Variants in SYNC observed in about 807,000 individuals in gnomAD.
The protein encoded by SYNC is syncoilin, intermediate filament protein, also known as syncoilin.
SYNC carries 38 observed loss-of-function variants against 49.5 expected under a neutral mutation model. That is an observed-to-expected ratio of 0.77 (90% CI 0.59 to 1.01). SYNC has a LOEUF of 1.01. SYNC is among the 50% of genes least tolerant of loss of function. SYNC has a pLI of 0.00. For missense variants in SYNC, 579 were observed against 580.6 expected (o/e 1.00, Z 0.03); for synonymous variants, 201 against 230.8 (o/e 0.87, Z 1.17).
Position 32,695,408 on chromosome 1 carries a change from C to T in SYNC, c.690G>A (p.Leu230=), listed in dbSNP as rs1392418681. ...AAYKLHAQAE[L]ERDGLREEIR... is the part of the protein sequence containing the mutation. ...TCTCCTCCCTTAGGCCATCTCTCTC[C>T]AGCTCTGCTTGGGCATGGAGCTTGT... The change falls in exon 2 of 5, where the codon CTG becomes CTA. Residue 230 remains leucine (L), a synonymous_variant. Coordinates refer to ENST00000409190, the MANE Select transcript of SYNC (RefSeq NM_030786.3). 1 of 1,551,786 alleles carries T rather than the reference C, an allele frequency of 6.4e-7. No homozygotes were observed. Among genetic ancestry groups the T allele is most frequent in the South Asian group, 1.2e-5 (1 of 84,034 alleles).
chr1:32,692,185 G>A (rs938939843), intron 2 of SYNC, among the ~76,000 whole-genome samples: 5 of 151,808 alleles, frequency 3.3e-5, no homozygotes, highest in African/African-American at 1.2e-4. Flanking sequence ...TGAGCTGAGC[G>A]CCACTGCACT....
chr1:32,697,816 A>G (rs187935561), intron 1 of SYNC, among the ~76,000 whole-genome samples: 8 of 151,718 alleles, frequency 5.3e-5, no homozygotes, highest in African/African-American at 1.7e-4. Flanking sequence ...TTTGTGTCAT[A>G]TCCTTGTGAC....
Position 32,698,929 on chromosome 1 carries a change from T to C in SYNC, c.54-2885A>G, listed in dbSNP as rs184546842. 1.7e-3 allele frequency among the ~76,000 whole-genome samples: 252 copies of C among 151,756 alleles called. 2 individuals carry two copies. Among genetic ancestry groups the C allele is most frequent in the Admixed American group, 0.012 (188 of 15,248 alleles). On this transcript the variant is annotated intron_variant, in intron 1 of 4. Transcript: ENST00000409190. ...CCGGGTAGCCAGGACTACAGGCACGTAGCGCCACACCCGCTAATTTTTTAA... is the reference window on the plus strand; with the variant it reads ...CCGGGTAGCCAGGACTACAGGCACGCAGCGCCACACCCGCTAATTTTTTAA...
rs1570932997 is a variant in SYNC at position 32,702,213 on chromosome 1, A to T, written c.53+395T>A. On this transcript the variant is annotated intron_variant, in intron 1 of 4. Coordinates refer to ENST00000409190, the MANE Select transcript of SYNC (RefSeq NM_030786.3). The surrounding 1 kb of genome is among the most constrained non-coding windows in gnomAD (Gnocchi z 6.2). The stretch of plus-strand genomic sequence containing the variant: ...CAAGCTGGCAGATGCCCAGCCTTGC[A>T]CCAAGTGGCTTCCACACAGCCACTT... Among the ~76,000 whole-genome samples, 1 of 152,192 alleles carries T rather than the reference A, an allele frequency of 6.6e-6. No individual in the cohort carries two copies. Among genetic ancestry groups the T allele is most frequent in the South Asian group, 2.1e-4 (1 of 4,826 alleles).
Position 32,695,650 on chromosome 1 carries a change from T to G in SYNC, c.448A>C (p.Asn150His), listed in dbSNP as rs1650390016. The change falls in exon 2 of 5, where the codon AAC (asparagine) becomes CAC (histidine). Residue 150 changes from asparagine to histidine, a missense_variant. Coordinates refer to ENST00000409190, the MANE Select transcript of SYNC (RefSeq NM_030786.3). The part of the protein sequence containing the change: ...GETVTRAEKS[N>H]PEESLRAEQS... ...TCGGCTCTGAGGCTCTCCTCAGGGT[T>G]AGATTTCTCCGCCCTTGTGACTGTC... is the stretch of plus-strand genomic sequence containing the variant. 6 of 1,551,482 alleles carry G rather than the reference T, an allele frequency of 3.9e-6. No individual in the cohort carries two copies. Among genetic ancestry groups the G allele is most frequent in the Non-Finnish European group, 5.2e-6 (6 of 1,147,016 alleles).
chr1:32,680,682 A>G lies in SYNC; in HGVS notation c.*1168T>C, dbSNP rs1400644533. On this transcript the variant is annotated 3_prime_UTR_variant, in exon 5 of 5. Coordinates refer to ENST00000409190, the MANE Select transcript of SYNC (RefSeq NM_030786.3). ...CATGCTGATGGGTTTTATTTAGTAT[A>G]AAACATCCATCAAACACCAGTCTCT... 7.8e-6 allele frequency: 6 copies of G among 772,960 alleles called. No individual in the cohort carries two copies. Among genetic ancestry groups the G allele is most frequent in the Non-Finnish European group, 1.0e-5 (5 of 491,860 alleles). The allele number at this position is 772,960 out of a possible 1,614,324, so 47.9% of individuals were successfully genotyped here. A position where few individuals can be genotyped will look rare whatever the true frequency, so the allele number is the denominator to read the frequency against.
chr1:32,688,087 G>A (rs1382391731), intron 2 of SYNC, among the ~76,000 whole-genome samples: 4 of 151,690 alleles, frequency 2.6e-5, no homozygotes, highest in Non-Finnish European at 4.4e-5. Context: ...CACCTGCCTC[G>A]GCCTCCCAAA....
chr1:32,689,302 C>T (rs1650048107), intron 2 of SYNC, among the ~76,000 whole-genome samples: 1 of 120,350 alleles, frequency 8.3e-6, no homozygotes, highest in South Asian at 3.0e-4. Flanking sequence ...ATTGCAGTGG[C>T]ACAATCTCAG....
intron 1 of SYNC, among the ~76,000 whole-genome samples, chr1:32,701,450 G>C (rs1272456304): frequency 6.6e-6 from 1 of 152,048 alleles, no homozygotes; most frequent in Non-Finnish European, 1.5e-5. Context: ...TCCTAGGGTG[G>C]GGCTCTGTAA....
intron 1 of SYNC, among the ~76,000 whole-genome samples, chr1:32,697,819 CT>C (rs1443316191): frequency 6.6e-6 from 1 of 151,874 alleles, no homozygotes; most frequent in Admixed American, 6.6e-5. Flanking sequence ...GTGTCATATC[CT>C]TGTGACACAA....
intron 1 of SYNC, among the ~76,000 whole-genome samples, chr1:32,700,663 C>T (rs1405511791): frequency 1.3e-5 from 2 of 152,132 alleles, no homozygotes; most frequent in Non-Finnish European, 2.9e-5. Context: ...CGCCATTGCC[C>T]TCCAGCCTGA....
intron 4 of SYNC, 152 bp from the exon 5 acceptor site, chr1:32,682,012 TAGAA>T: frequency 1.5e-6 from 1 of 665,304 alleles, no homozygotes; most frequent in South Asian, 1.8e-5. Context: ...GTTTGTCAAA[TAGAA>T]TGAATGGTGA....
At chr1:32,683,973 A>G in intron 4 of SYNC, 37 bp downstream of exon 4, 1 of 1,595,318 alleles carries the variant, frequency 6.3e-7, no homozygotes, top group Non-Finnish European at 8.6e-7. Flanking sequence ...GAAAGCAGTA[A>G]CAATGCAAAC....
intron 2 of SYNC, among the ~76,000 whole-genome samples, chr1:32,687,863 T>TATTATTATTATTATTA (rs1557871715): frequency 1.4e-5 from 2 of 148,138 alleles, no homozygotes; most frequent in African/African-American, 5.0e-5. Flanking sequence ...TTATTATTAT[T>TATTATTATTATTATTA]TTTTGAGATG....
At chr1:32,690,795 C>T (rs1331858041) in intron 2 of SYNC, among the ~76,000 whole-genome samples, 6 of 148,162 alleles carry the variant, frequency 4.0e-5, no homozygotes, top group Admixed American at 6.7e-5. Flanking sequence ...ACCAAAAACA[C>T]GAAAATTAGG....
In SYNC at chr1:32,680,535, C is replaced by T; in HGVS notation, c.*1315G>A. 1.3e-6 allele frequency: 2 copies of T among 1,541,920 alleles called. No homozygotes were observed. The highest frequency in any genetic ancestry group is 1.8e-6 in the Non-Finnish European group (2 of 1,142,278). Reference sequence around the variant, plus strand: ...TGCTTTTTTTTTTTAGGAGTTAGTCCTTGACCACTAGTTTGATGCCATCTC... The same window carrying T: ...TGCTTTTTTTTTTTAGGAGTTAGTCTTTGACCACTAGTTTGATGCCATCTC... On this transcript the variant is annotated 3_prime_UTR_variant, in exon 5 of 5. Coordinates refer to ENST00000409190, the MANE Select transcript of SYNC (RefSeq NM_030786.3).
At chr1:32,689,319 G>A (rs1410757341) in intron 2 of SYNC, among the ~76,000 whole-genome samples, 1 of 129,096 alleles carries the variant, frequency 7.7e-6, no homozygotes, top group African/African-American at 2.9e-5. Flanking sequence ...TCAGCTCACT[G>A]CAACCTCTGC....
At chr1:32,684,505 A>G in intron 2 of SYNC, 123 bp from the exon 3 acceptor site, 1 of 1,374,182 alleles carries the variant, frequency 7.3e-7, no homozygotes, top group Non-Finnish European at 9.9e-7. Context: ...TGAGGCTGGT[A>G]TTTATATGAT....
rs551304558 is a variant in SYNC at position 32,684,171 on chromosome 1, T to C, written c.1359-82A>G. On this transcript the variant is annotated intron_variant, in intron 3 of 4. Transcript: ENST00000409190. ...CATTTCCCAAATCCTCTTTTTGTTT[T>C]TGATTCTAAGGTAAAATTTTCCCTA... 3.7e-6 allele frequency: 6 copies of C among 1,606,156 alleles called. 1 individual carries two copies. The East Asian group carries it at 1.1e-4, about 30-fold the overall frequency.
Sources: gnomAD v4.1 joint callset for allele counts (sites outside exome capture counted in the v4.1 genomes callset) on GRCh38, gnomAD v4.1.1 for gene constraint, Gnocchi (gnomAD v3.1) non-coding constraint, MANE v1.5 for transcripts, NCBI Gene and HGNC (gene_info 2026-07-23, HGNC 2026-07-21) for gene names.